PTPRK: variants seen among roughly 807,000 people sequenced by gnomAD.
PTPRK encodes the protein protein tyrosine phosphatase receptor type K, also known as receptor-type tyrosine-protein phosphatase kappa.
A neutral mutation model predicts 178.0 loss-of-function variants in PTPRK; 75 were observed. That is an observed-to-expected ratio of 0.42 (90% CI 0.35 to 0.51). The LOEUF (loss-of-function observed/expected upper bound fraction) is 0.51. PTPRK is among the 20% of genes least tolerant of loss of function. The pLI is 0.02. For synonymous variants in PTPRK, 637 were observed against 620.6 expected (o/e 1.03, Z -0.39); for missense variants, 1,441 against 1,797.8 (o/e 0.80, Z 3.59).
chr6:128,425,501 T>A (rs998028313), intron 1 of PTPRK, among the ~76,000 whole-genome samples: 2 of 152,200 alleles, frequency 1.3e-5, no homozygotes, highest in African/African-American at 4.8e-5. Context: ...TCAGAACATA[T>A]GATGTTTTGT....
intron 5 of PTPRK, among the ~76,000 whole-genome samples, chr6:128,220,331 C>A (rs1320084532): frequency 6.6e-6 from 1 of 152,076 alleles, no homozygotes; most frequent in Non-Finnish European, 1.5e-5. Flanking sequence ...TGTCTAACAA[C>A]CATGAAATGA....
chr6:127,980,999 T>G, intron 25 of PTPRK, 117 bp downstream of exon 25: 1 of 1,036,536 alleles, frequency 9.6e-7, no homozygotes, highest in Non-Finnish European at 1.3e-6. Context: ...CAATAAAAGT[T>G]TCCACTTTTC....
chr6:128,362,205 G>T (rs1044920058), intron 2 of PTPRK, among the ~76,000 whole-genome samples: 2 of 152,124 alleles, frequency 1.3e-5, no homozygotes, highest in African/African-American at 4.8e-5. Flanking sequence ...AAATAAAGGG[G>T]AAGCGGGCAT....
intron 3 of PTPRK, among the ~76,000 whole-genome samples, chr6:128,299,322 TC>T (rs201644805): frequency 1 from 147,725 of 147,834 alleles, 73,808 homozygotes; most frequent in Middle Eastern, 1. Flanking sequence ...TTCAATGCCA[TC>T]CCCCATCAAG....
At chr6:128,093,216 C>CT (rs973833710) in intron 7 of PTPRK, among the ~76,000 whole-genome samples, 1 of 151,860 alleles carries the variant, frequency 6.6e-6, no homozygotes, top group African/African-American at 2.4e-5. Flanking sequence ...TATAACATTT[C>CT]TTTTTTTGTT....
At chr6:128,477,550 C>A (rs1303117787) in intron 1 of PTPRK, among the ~76,000 whole-genome samples, 1 of 152,024 alleles carries the variant, frequency 6.6e-6, no homozygotes, top group African/African-American at 2.4e-5. Context: ...TCAACATTCA[C>A]CACAAAGTTG....
intron 7 of PTPRK, among the ~76,000 whole-genome samples, chr6:128,175,878 T>C (rs922765747): frequency 1.3e-5 from 2 of 151,848 alleles, no homozygotes; most frequent in South Asian, 4.1e-4. Context: ...TTCACCCATG[T>C]CACATTTTAT....
At chr6:128,129,610 A>C (rs1391234166) in intron 7 of PTPRK, among the ~76,000 whole-genome samples, 1 of 152,142 alleles carries the variant, frequency 6.6e-6, no homozygotes, top group Non-Finnish European at 1.5e-5. Flanking sequence ...CACTTTTCTG[A>C]GATACAGGAG....
chr6:127,984,983 A>G (rs1319428032), intron 22 of PTPRK, among the ~76,000 whole-genome samples: 1 of 152,166 alleles, frequency 6.6e-6, no homozygotes, highest in Admixed American at 6.5e-5. Flanking sequence ...TTCAGAAAGC[A>G]AAAAATGCTT....
intron 1 of PTPRK, among the ~76,000 whole-genome samples, chr6:128,489,477 G>A (rs988130621): frequency 4.6e-5 from 7 of 152,062 alleles, no homozygotes; most frequent in Admixed American, 1.3e-4. Context: ...CATATGCTCC[G>A]GCCTGAATCA....
At chr6:128,269,611 T>C (rs544891517) in intron 3 of PTPRK, among the ~76,000 whole-genome samples, 1 of 152,098 alleles carries the variant, frequency 6.6e-6, no homozygotes, top group Non-Finnish European at 1.5e-5. Flanking sequence ...TAATGTCACC[T>C]TGCAGGGTGC....
intron 7 of PTPRK, among the ~76,000 whole-genome samples, chr6:128,136,310 G>A (rs909065215): frequency 6.6e-6 from 1 of 152,128 alleles, no homozygotes; most frequent in Non-Finnish European, 1.5e-5. Flanking sequence ...AAAAAATGAA[G>A]AAATAAAACA....
chr6:128,020,325 A>T (rs1773308135), intron 13 of PTPRK, among the ~76,000 whole-genome samples: 1 of 152,208 alleles, frequency 6.6e-6, no homozygotes, highest in African/African-American at 2.4e-5. Flanking sequence ...ATTTAAACAT[A>T]GTGTTTATAG....
At chr6:127,979,697 C>T (rs937277128) in intron 25 of PTPRK, among the ~76,000 whole-genome samples, 37 of 152,152 alleles carry the variant, frequency 2.4e-4, no homozygotes, top group South Asian at 1.7e-3. Flanking sequence ...GAAGACTACT[C>T]GTAGAAACAG....
chr6:128,497,646 T>G (rs1271326352), intron 1 of PTPRK, among the ~76,000 whole-genome samples: 1 of 152,204 alleles, frequency 6.6e-6, no homozygotes, highest in Non-Finnish European at 1.5e-5. Context: ...TTTTAAAATT[T>G]CTCACTCTGT....
chr6:128,318,162 C>T (rs193080479), intron 3 of PTPRK, among the ~76,000 whole-genome samples: 2 of 152,254 alleles, frequency 1.3e-5, no homozygotes, highest in East Asian at 3.9e-4. Flanking sequence ...GACATCCCCT[C>T]TTTTTACTCT....
chr6:128,090,016 G>A (rs573917740), intron 7 of PTPRK, 24 bp from the exon 8 acceptor site: 3 of 1,530,802 alleles, frequency 2.0e-6, no homozygotes, highest in East Asian at 2.3e-5. Flanking sequence ...CAGAGTTGTA[G>A]ACAGCTGTCT....
At chr6:128,395,228 T>A (rs1305991834) in intron 2 of PTPRK, among the ~76,000 whole-genome samples, 1 of 152,172 alleles carries the variant, frequency 6.6e-6, no homozygotes, top group Non-Finnish European at 1.5e-5. Flanking sequence ...ATAACATACA[T>A]GAGTGCTTTC....
intron 3 of PTPRK, among the ~76,000 whole-genome samples, chr6:128,314,860 C>A (rs917092971): frequency 8.6e-5 from 13 of 151,592 alleles, no homozygotes; most frequent in African/African-American, 2.7e-4. Flanking sequence ...AAAAAGGAGA[C>A]CTTCTACTTC....
Sources: allele counts gnomAD v4.1 joint callset (sites outside exome capture counted in the v4.1 genomes callset), GRCh38; gene constraint gnomAD v4.1.1; transcripts MANE v1.5; gene names NCBI Gene and HGNC (gene_info 2026-07-23, HGNC 2026-07-21).